The following UPP1 variants were observed in gnomAD, a reference collection of about 807,000 sequenced individuals.
UPP1 encodes uridine phosphorylase 1, also known as UPase 1.
A neutral mutation model predicts 29.6 loss-of-function variants in UPP1; 25 were observed. The observed-to-expected ratio is 0.85, with a 90% CI of 0.62 to 1.18. The LOEUF is 1.18. Ranked by LOEUF, UPP1 falls within the 50% of genes most tolerant of loss-of-function variation. The probability of loss-of-function intolerance (pLI) is 0.00; values close to 1 mark genes in which losing one functional copy is unlikely to be tolerated. For missense variants in UPP1, 368 were observed against 410.4 expected (o/e 0.90, Z 0.89); for synonymous variants, 165 against 159.8 (o/e 1.03, Z -0.25).
chr7:48,090,767 C>T (rs1456918933), intron 2 of UPP1, among the ~76,000 whole-genome samples: 9 of 152,198 alleles, frequency 5.9e-5, no homozygotes, highest in African/African-American at 2.2e-4. Flanking sequence ...TTCTCAGCTG[C>T]TCTTACATTA....
At chr7:48,102,758 G>T (rs1356154976) in intron 5 of UPP1, among the ~76,000 whole-genome samples, 1 of 152,136 alleles carries the variant, frequency 6.6e-6, no homozygotes, top group South Asian at 2.1e-4. Context: ...GACACTAGGG[G>T]GGGTGCTCTG....
At chr7:48,102,618 C>T (rs73337887) in intron 5 of UPP1, among the ~76,000 whole-genome samples, 9,418 of 152,150 alleles carry the variant, frequency 0.062, 783 homozygotes, top group African/African-American at 0.19. Context: ...TGATAATCTG[C>T]GCAAGCCTTT....
chr7:48,092,537 T>C (rs1405620904), intron 2 of UPP1, among the ~76,000 whole-genome samples: 2 of 152,056 alleles, frequency 1.3e-5, no homozygotes, highest in Non-Finnish European at 2.9e-5. Context: ...GATACCTCTT[T>C]TAAAACTCAT....
At chr7:48,099,343 G>A (rs536277620) in intron 3 of UPP1, among the ~76,000 whole-genome samples, 1 of 152,324 alleles carries the variant, frequency 6.6e-6, no homozygotes, top group East Asian at 1.9e-4. Context: ...AACTTGATTA[G>A]AGGAGCAACT....
chr7:48,108,192 C>G, intron 8 of UPP1, 26 bp from the exon 9 acceptor site: 1 of 1,602,668 alleles, frequency 6.2e-7, no homozygotes, highest in African/African-American at 1.3e-5. Flanking sequence ...GGCACCTTGC[C>G]TTGATGTGGT....
At chr7:48,097,832 T>G (rs1468317491) in intron 3 of UPP1, among the ~76,000 whole-genome samples, 1 of 151,930 alleles carries the variant, frequency 6.6e-6, no homozygotes, top group Non-Finnish European at 1.5e-5. Flanking sequence ...AATTTCAGAT[T>G]GGCCTAGAGA....
At position 48,096,101 on chromosome 7, in the gene UPP1, G is replaced by A. The variant is rs1792116615; in HGVS notation, c.44+1274G>A. 2.0e-5 allele frequency among the ~76,000 whole-genome samples: 3 copies of A among 152,220 alleles called. No homozygotes were observed. The South Asian group carries it at 6.2e-4, about 31-fold the overall frequency. On this transcript the variant is annotated intron_variant, in intron 3 of 8. Transcript: ENST00000395564. ...CTAGTAGGAGGCTGGTGGGGGTGGAGGGGAGTGGTAGAAATGAAGGCTGGA... is the reference window on the plus strand; with the variant it reads ...CTAGTAGGAGGCTGGTGGGGGTGGAAGGGAGTGGTAGAAATGAAGGCTGGA...
Position 48,094,803 on chromosome 7 carries a change from A to G in UPP1, c.20A>G (p.Asn7Ser), listed in dbSNP as rs773780245. Residue 7 changes from asparagine (N) to serine (S), a missense_variant, in exon 3 of 9, where the codon AAT becomes AGT. Asn to Ser is a conservative substitution (Grantham distance 46). Coordinates refer to ENST00000395564, the MANE Select transcript of UPP1 (RefSeq NM_003364.4). MAATGA[N>S]AEKAESHNDC... ...GGCGGAATGGCGGCCACGGGAGCCAATGCAGAGAAAGCTGAAAGTCACAAG... is the reference window on the plus strand; with the variant it reads ...GGCGGAATGGCGGCCACGGGAGCCAGTGCAGAGAAAGCTGAAAGTCACAAG... 4 of 1,603,404 alleles carry G rather than the reference A, an allele frequency of 2.5e-6. No individual in the cohort carries two copies. Among genetic ancestry groups the G allele is most frequent in the African/African-American group, 1.3e-5 (1 of 74,730 alleles).
chr7:48,106,480 T>C, intron 6 of UPP1: 1 of 197,846 alleles, frequency 5.1e-6, no homozygotes. Context: ...CTGGCTAATT[T>C]TTGTATTTTT....
intron 7 of UPP1, 23 bp downstream of exon 7, chr7:48,107,105 G>A (rs753453703): frequency 7.5e-6 from 12 of 1,608,088 alleles, no homozygotes; most frequent in Non-Finnish European, 9.3e-6. Flanking sequence ...ATACGAGGAG[G>A]CATCTTTCAG....
At position 48,090,209 on chromosome 7, in the gene UPP1, C is replaced by T. The variant is rs1472269107; in HGVS notation, c.-177C>T. On this transcript the variant is annotated 5_prime_UTR_variant, in exon 2 of 9. Coordinates refer to ENST00000395564, the MANE Select transcript of UPP1 (RefSeq NM_003364.4). Reference sequence around the variant, plus strand: ...GCAGGGCCCAGAGAAGCGAGGAACTCCGCAGCTCGTCGACACGTCTCGTCT... The same window carrying T: ...GCAGGGCCCAGAGAAGCGAGGAACTTCGCAGCTCGTCGACACGTCTCGTCT... 1.3e-5 allele frequency: 2 copies of T among 152,236 alleles called. No individual in the cohort carries two copies. The highest frequency in any genetic ancestry group is 2.9e-5 in the Non-Finnish European group (2 of 68,054). The allele number at this position is 152,236 out of a possible 1,614,324, so 9.4% of individuals were successfully genotyped here.
chr7:48,102,871 C>T (rs1200985818), intron 5 of UPP1, among the ~76,000 whole-genome samples: 1 of 152,092 alleles, frequency 6.6e-6, no homozygotes, highest in African/African-American at 2.4e-5. Context: ...GGCTGAGGAA[C>T]CAGCTGATTA....
At chr7:48,094,988 T>C (rs780073251) in intron 3 of UPP1, among the ~76,000 whole-genome samples, 161 bp downstream of exon 3, 16 of 152,206 alleles carry the variant, frequency 1.1e-4, no homozygotes, top group Non-Finnish European at 1.8e-4. Context: ...AGGAGGTTCG[T>C]ACATTAGATG....
chr7:48,108,128 G>C, intron 8 of UPP1, 90 bp from the exon 9 acceptor site: 1 of 1,526,394 alleles, frequency 6.6e-7, no homozygotes, highest in Non-Finnish European at 8.9e-7. Flanking sequence ...CAGAGAGGCT[G>C]CTCCTCAGAG....
rs1279921100 is a variant in UPP1 at position 48,101,928 on chromosome 7, T to C, written c.267T>C (p.Cys89=). 6.2e-7 allele frequency: 1 copy of C among 1,614,080 alleles called. No individual in the cohort carries two copies. The highest frequency in any genetic ancestry group is 1.7e-5 in the Admixed American group (1 of 59,994). The change falls in exon 5 of 9, where the codon TGT becomes TGC. Residue 89 remains cysteine (C), a synonymous_variant. Coordinates refer to ENST00000395564, the MANE Select transcript of UPP1 (RefSeq NM_003364.4). ...CAGGTAGAGACTATCCCAACATCTG[T>C]GCGGGAACTGACCGCTATGCCATGT... The part of the protein sequence containing the change: ...DCPGRDYPNI[C]AGTDRYAMYK...
At chr7:48,101,781 T>C in intron 4 of UPP1, 43 bp from the exon 5 acceptor site, 1 of 1,603,540 alleles carries the variant, frequency 6.2e-7, no homozygotes, top group Non-Finnish European at 8.5e-7. Flanking sequence ...GGACCTCTGC[T>C]ATAGACAGTG....
chr7:48,092,387 G>A (rs1294759454), intron 2 of UPP1, among the ~76,000 whole-genome samples: 1 of 152,110 alleles, frequency 6.6e-6, no homozygotes, highest in Non-Finnish European at 1.5e-5. Flanking sequence ...TCCTCCTGTA[G>A]TGCCTTTTGA....
chr7:48,101,821 CA>C lies in UPP1; in HGVS notation c.163-2del. 2 of 1,613,332 alleles carry C rather than the reference CA, an allele frequency of 1.2e-6. No homozygotes were observed. The highest frequency in any genetic ancestry group is 1.7e-6 in the Non-Finnish European group (2 of 1,179,676). On this transcript the variant is annotated splice_acceptor_variant, in intron 4 of 8. Transcript: ENST00000395564. LOFTEE classifies it high-confidence loss of function. ...AATGGGGGTCTCTCTTCTCTGGCTGCAGTTTGTGTGTGTTGGTGGAAGCCCC... is the reference window on the plus strand; with the variant it reads ...AATGGGGGTCTCTCTTCTCTGGCTGCGTTTGTGTGTGTTGGTGGAAGCCCC...
chr7:48,106,604 A>C, intron 6 of UPP1: 1 of 407,324 alleles, frequency 2.5e-6, no homozygotes, highest in Non-Finnish European at 4.6e-6. Context: ...GGGCCACTGC[A>C]CCCAGCCCTC....
Sources: allele counts gnomAD v4.1 joint callset (sites outside exome capture counted in the v4.1 genomes callset), GRCh38; gene constraint gnomAD v4.1.1; transcripts MANE v1.5; gene names NCBI Gene and HGNC (gene_info 2026-07-23, HGNC 2026-07-21).